The following GREB1L variants were observed in gnomAD, a reference collection of about 807,000 sequenced individuals.
GREB1L encodes the protein GREB1-like protein.
A neutral mutation model predicts 200.8 loss-of-function variants in GREB1L; 17 were observed. The ratio of observed to expected loss-of-function variants is 0.08; its 90% CI spans 0.06 to 0.13. GREB1L has a LOEUF of 0.13. Ranked by LOEUF, GREB1L falls within the 10% of genes least tolerant of loss-of-function variation. The pLI is 1.00. For missense variants in GREB1L, 1,657 were observed against 2,367.7 expected (o/e 0.70, Z 6.23); for synonymous variants, 789 against 893.0 (o/e 0.88, Z 2.08).
In GREB1L at chr18:21,508,581, T is replaced by C. The variant is rs1234710434; in HGVS notation, c.4725T>C (p.Asn1575=). 6.4e-7 allele frequency: 1 copy of C among 1,551,628 alleles called. No homozygotes were observed. The highest frequency in any genetic ancestry group is 2.0e-5 in the Admixed American group (1 of 50,992). ...IMLVLPGMFN[N]AGVGAARFLI... ...TGGTGCTTCCCGGCATGTTCAATAA[T>C]GCAGGCGTGGGTAAGGGGCCCCCCT... is the stretch of plus-strand genomic sequence containing the variant. The change falls in exon 27 of 33, where the codon AAT becomes AAC. Residue 1575 remains asparagine (N), a synonymous_variant. Coordinates refer to ENST00000424526, the MANE Select transcript of GREB1L (RefSeq NM_001142966.3).
intron 1 of GREB1L, among the ~76,000 whole-genome samples, chr18:21,321,513 C>T (rs1444474467): frequency 2.6e-5 from 4 of 151,500 alleles, no homozygotes; most frequent in Non-Finnish European, 5.9e-5. Flanking sequence ...AGAGAAACCC[C>T]GTCTCTACTA....
At chr18:21,254,058 C>CAT (rs1336316142) in intron 1 of GREB1L, among the ~76,000 whole-genome samples, 19 of 126,336 alleles carry the variant, frequency 1.5e-4, no homozygotes, top group South Asian at 7.1e-4. Flanking sequence ...GGCTTTCAGG[C>CAT]ATATTTTTTT....
In GREB1L at chr18:21,451,178, C is replaced by T. The variant is rs1363160845; in HGVS notation, c.1849+27C>T. On this transcript the variant is annotated intron_variant, in intron 13 of 32. Coordinates refer to ENST00000424526, the MANE Select transcript of GREB1L (RefSeq NM_001142966.3). ...TGAGTGGTTGTAAGATTTGGCAACA[C>T]TGGCAGCCCCTAGTTGTATGATTTT... The T allele has an allele frequency of 2.6e-6, 4 of 1,549,258 alleles. No individual in the cohort carries two copies. In the Admixed American group the frequency reaches 7.8e-5, roughly 30 times the overall value.
intron 4 of GREB1L, among the ~76,000 whole-genome samples, chr18:21,388,214 A>G (rs1171709875): frequency 6.6e-6 from 1 of 152,064 alleles, no homozygotes; most frequent in Non-Finnish European, 1.5e-5. Flanking sequence ...TGTGGCTTGT[A>G]TTGGCAAATA....
In GREB1L at chr18:21,499,715, C is replaced by G. The variant is rs1273178075; in HGVS notation, c.3392-14C>G. The G allele has an allele frequency of 1.9e-6, 3 of 1,539,368 alleles. No individual in the cohort carries two copies. The highest frequency in any genetic ancestry group is 2.6e-6 in the Non-Finnish European group (3 of 1,136,472). ...AGAGCTGCTGTGGGGTGGGTTCTGT[C>G]TGTTCTCTCACAGGTTCCATCATGG... On this transcript the variant is annotated splice_polypyrimidine_tract_variant and intron_variant, in intron 21 of 32. Coordinates refer to ENST00000424526, the MANE Select transcript of GREB1L (RefSeq NM_001142966.3).
intron 1 of GREB1L, among the ~76,000 whole-genome samples, chr18:21,329,972 G>C (rs1030652973): frequency 7.1e-5 from 10 of 141,716 alleles, no homozygotes; most frequent in South Asian, 2.2e-4. Flanking sequence ...TTTTTTTTGG[G>C]GGGGGGGGGT....
intron 1 of GREB1L, among the ~76,000 whole-genome samples, chr18:21,275,352 T>A (rs987204057): frequency 6.6e-6 from 1 of 152,218 alleles, no homozygotes; most frequent in Non-Finnish European, 1.5e-5. Flanking sequence ...ATATTTTTGT[T>A]ACAAGTATGT....
intron 15 of GREB1L, among the ~76,000 whole-genome samples, chr18:21,463,800 C>T (rs2035156697): frequency 6.6e-6 from 1 of 152,196 alleles, no homozygotes; most frequent in Admixed American, 6.5e-5. Flanking sequence ...AAACTCGTAT[C>T]TGTGAGCACA....
chr18:21,285,903 A>G (rs760518296), intron 1 of GREB1L, among the ~76,000 whole-genome samples: 1 of 152,314 alleles, frequency 6.6e-6, no homozygotes, highest in Non-Finnish European at 1.5e-5. Flanking sequence ...TTCAGTGTTC[A>G]GATTACCTGA....
intron 1 of GREB1L, among the ~76,000 whole-genome samples, chr18:21,258,026 A>G (rs1406268640): frequency 1.3e-5 from 2 of 152,148 alleles, no homozygotes; most frequent in Non-Finnish European, 2.9e-5. Flanking sequence ...GGCTGATTTA[A>G]AACTTTTGTT....
chr18:21,316,691 G>A (rs2038873540), intron 1 of GREB1L, among the ~76,000 whole-genome samples: 1 of 150,156 alleles, frequency 6.7e-6, no homozygotes, highest in African/African-American at 2.4e-5. Context: ...TTAAGTTGTT[G>A]AAAATAAAGT....
At chr18:21,299,946 C>T (rs1239121230) in intron 1 of GREB1L, among the ~76,000 whole-genome samples, 1 of 151,790 alleles carries the variant, frequency 6.6e-6, no homozygotes, top group African/African-American at 2.4e-5. Flanking sequence ...AGAGCTTGAC[C>T]AGAAAGAATG....
intron 1 of GREB1L, among the ~76,000 whole-genome samples, chr18:21,329,592 G>C (rs952643663): frequency 1.3e-5 from 2 of 151,984 alleles, no homozygotes; most frequent in African/African-American, 4.8e-5. Flanking sequence ...CTTTTCCTGG[G>C]TCTTACGCAC....
chr18:21,362,138 T>TA (rs35504931), intron 1 of GREB1L, among the ~76,000 whole-genome samples: 4,500 of 151,990 alleles, frequency 0.03, 90 homozygotes, highest in Non-Finnish European at 0.044. Context: ...TTGCCAGCCT[T>TA]AAAAAAAACC....
At chr18:21,335,846 G>A (rs1281023822) in intron 1 of GREB1L, among the ~76,000 whole-genome samples, 1 of 151,750 alleles carries the variant, frequency 6.6e-6, no homozygotes, top group South Asian at 2.1e-4. Flanking sequence ...TGTATTTTTA[G>A]TAGAGACGGG....
At chr18:21,312,419 G>A (rs1215804237) in intron 1 of GREB1L, among the ~76,000 whole-genome samples, 2 of 152,080 alleles carry the variant, frequency 1.3e-5, no homozygotes, top group Non-Finnish European at 2.9e-5. Context: ...TTCCACAGTG[G>A]TCGAAGTAAT....
At chr18:21,384,737 C>T (rs958926776) in intron 4 of GREB1L, among the ~76,000 whole-genome samples, 6 of 152,020 alleles carry the variant, frequency 3.9e-5, no homozygotes, top group Non-Finnish European at 8.8e-5. Context: ...AAGAATGCTA[C>T]TATTTTAGGA....
At chr18:21,418,285 C>T (rs2031833919) in intron 7 of GREB1L, among the ~76,000 whole-genome samples, 1 of 152,172 alleles carries the variant, frequency 6.6e-6, no homozygotes, top group East Asian at 1.9e-4. Flanking sequence ...GGCTTGATTC[C>T]AGAACCCCTG....
At position 21,505,736 on chromosome 18, in the gene GREB1L, A is replaced by T. The variant is rs546296881; in HGVS notation, c.4229-74A>T. On this transcript the variant is annotated intron_variant, in intron 24 of 32. Coordinates refer to ENST00000424526, the MANE Select transcript of GREB1L (RefSeq NM_001142966.3). ...TACATGGAAAAGTCATTTTGGGGAA[A>T]GAGGGACTTTTCTTTCCAGGCATAG... 5 of 1,457,188 alleles carry T rather than the reference A, an allele frequency of 3.4e-6. No individual in the cohort carries two copies. In the East Asian group the frequency reaches 1.2e-4, roughly 36 times the overall value. 90.3% of individuals were successfully genotyped at this position (1,457,188 alleles called of 1,614,324 possible).
Sources: allele counts gnomAD v4.1 joint callset (sites outside exome capture counted in the v4.1 genomes callset), GRCh38; gene constraint gnomAD v4.1.1; transcripts MANE v1.5; gene names NCBI Gene and HGNC (gene_info 2026-07-23, HGNC 2026-07-21).